Variants in KLHL1 observed in about 807,000 individuals in gnomAD.
The protein encoded by KLHL1 is kelch like family member 1.
In KLHL1, 47 loss-of-function variants were observed where a neutral mutation model predicts 77.7. The ratio of observed to expected loss-of-function variants is 0.60; its 90% CI spans 0.48 to 0.77. The LOEUF is 0.77. Ranked by LOEUF, KLHL1 falls within the 30% of genes least tolerant of loss-of-function variation. The pLI is 0.00. For synonymous variants in KLHL1, 360 were observed against 325.2 expected (o/e 1.11, Z -1.15); for missense variants, 925 against 910.8 (o/e 1.02, Z -0.20).
chr13:69,721,341 C>T (rs1289134669), intron 8 of KLHL1, among the ~76,000 whole-genome samples: 1 of 150,596 alleles, frequency 6.6e-6, no homozygotes, highest in African/African-American at 2.4e-5. Flanking sequence ...CTCGTATCTC[C>T]CTAAAATGTA....
chr13:69,779,913 TG>T (rs1258945348), intron 7 of KLHL1, among the ~76,000 whole-genome samples: 1 of 152,048 alleles, frequency 6.6e-6, no homozygotes, highest in African/African-American at 2.4e-5. Context: ...CAGGTTCAAG[TG>T]ATTCTCCGGC....
intron 6 of KLHL1, among the ~76,000 whole-genome samples, chr13:69,829,852 G>T (rs1044512218): frequency 1.3e-5 from 2 of 150,168 alleles, no homozygotes; most frequent in African/African-American, 5.0e-5. Context: ...GTGAAACTAA[G>T]CTTCATAAAT....
chr13:70,018,556 G>C (rs775297382), intron 1 of KLHL1, among the ~76,000 whole-genome samples: 19 of 152,216 alleles, frequency 1.2e-4, no homozygotes, highest in Non-Finnish European at 1.9e-4. Context: ...TAGGGCCTAG[G>C]TGACTTGTTG....
intron 7 of KLHL1, among the ~76,000 whole-genome samples, chr13:69,785,262 A>C (rs1012208310): frequency 6.6e-6 from 1 of 151,928 alleles, no homozygotes; most frequent in Non-Finnish European, 1.5e-5. Context: ...GAAGTAAAGC[A>C]CTCCTCATCA....
chr13:69,857,084 T>G (rs943081238), intron 5 of KLHL1, among the ~76,000 whole-genome samples: 4 of 152,096 alleles, frequency 2.6e-5, no homozygotes, highest in Admixed American at 6.6e-5. Context: ...AAACTCTCCG[T>G]TTTTTGTCTC....
intron 6 of KLHL1, among the ~76,000 whole-genome samples, chr13:69,821,970 C>A (rs1057061404): frequency 6.6e-6 from 1 of 151,960 alleles, no homozygotes; most frequent in African/African-American, 2.4e-5. Flanking sequence ...GAGGTCAAGG[C>A]AGGCAAATCA....
chr13:69,823,184 T>A (rs947377634), intron 6 of KLHL1, among the ~76,000 whole-genome samples: 2 of 151,848 alleles, frequency 1.3e-5, no homozygotes, highest in African/African-American at 4.8e-5. Flanking sequence ...TTGGTTAAGT[T>A]GTTAACTTAC....
chr13:69,999,949 T>C (rs1645871195), intron 1 of KLHL1, among the ~76,000 whole-genome samples: 1 of 151,980 alleles, frequency 6.6e-6, no homozygotes, highest in South Asian at 2.1e-4. Context: ...TGATCCCTTA[T>C]GTTGGAGGTG....
intron 6 of KLHL1, among the ~76,000 whole-genome samples, chr13:69,799,811 C>G (rs1229058258): frequency 6.6e-6 from 1 of 152,154 alleles, no homozygotes; most frequent in Non-Finnish European, 1.5e-5. Context: ...AGGACGTGGA[C>G]CAGTAATGGT....
In KLHL1 at chr13:69,791,544, C is replaced by T. The variant is rs146480207; in HGVS notation, c.1639+5194G>A. Among the ~76,000 whole-genome samples the T allele has an allele frequency of 3.9e-5, 6 of 152,128 alleles. 1 individual carries two copies. In the East Asian group the frequency reaches 1.2e-3, roughly 29 times the overall value. On this transcript the variant is annotated intron_variant, in intron 7 of 10. Coordinates refer to ENST00000377844, the MANE Select transcript of KLHL1 (RefSeq NM_020866.3). ...CATGATTTTAAAAACTACTACAAAGCTTCAGTAAACAAGAAAATGTGGGAA... is the reference window on the plus strand; with the variant it reads ...CATGATTTTAAAAACTACTACAAAGTTTCAGTAAACAAGAAAATGTGGGAA...
At chr13:69,711,439 T>C (rs1474382272) in intron 9 of KLHL1, among the ~76,000 whole-genome samples, 2 of 152,084 alleles carry the variant, frequency 1.3e-5, no homozygotes, top group Non-Finnish European at 2.9e-5. Context: ...TATTAATTAA[T>C]TTTAAGAAAT....
chr13:69,754,541 C>G (rs962103818), intron 7 of KLHL1, among the ~76,000 whole-genome samples: 7 of 152,130 alleles, frequency 4.6e-5, no homozygotes, highest in African/African-American at 1.7e-4. Context: ...TAATATTTTA[C>G]TTTCCAACTG....
chr13:70,046,293 C>T (rs1221915127), intron 1 of KLHL1, among the ~76,000 whole-genome samples: 1 of 152,078 alleles, frequency 6.6e-6, no homozygotes, highest in East Asian at 1.9e-4. Context: ...TTTGGGATGG[C>T]ATAAATTACT....
intron 4 of KLHL1, among the ~76,000 whole-genome samples, chr13:69,935,225 A>ATAGTTCACCCACTGGTGAACTTGGTACG (rs1883146218): frequency 1.3e-5 from 2 of 151,280 alleles, no homozygotes; most frequent in African/African-American, 2.4e-5. Flanking sequence ...AACTTGGTAC[A>ATAGTTCACCCACTGGTGAACTTGGTACG]TAGTTCACCC....
intron 1 of KLHL1, among the ~76,000 whole-genome samples, chr13:69,999,054 T>C (rs1393488094): frequency 6.6e-6 from 1 of 152,048 alleles, no homozygotes; most frequent in African/African-American, 2.4e-5. Context: ...CTCCATCAAG[T>C]AAGCACAGAG....
chr13:69,770,224 C>T (rs548357771), intron 7 of KLHL1, among the ~76,000 whole-genome samples: 113 of 152,294 alleles, frequency 7.4e-4, no homozygotes, highest in African/African-American at 2.5e-3. Context: ...CTTGGCATGC[C>T]TGGTCCAGAT....
intron 1 of KLHL1, among the ~76,000 whole-genome samples, chr13:70,000,798 A>G (rs1885268698): frequency 6.6e-6 from 1 of 151,742 alleles, no homozygotes; most frequent in Non-Finnish European, 1.5e-5. Context: ...TAGTGTGCAG[A>G]CTTATATATG....
intron 1 of KLHL1, among the ~76,000 whole-genome samples, chr13:70,047,633 T>C (rs949981643): frequency 6.6e-6 from 1 of 152,216 alleles, no homozygotes; most frequent in African/African-American, 2.4e-5. Context: ...TGTCACATTT[T>C]AGTGATTTCA....
In KLHL1 at chr13:69,950,864, C is replaced by A. The variant is rs1160775102; in HGVS notation, c.817+10444G>T. Among the ~76,000 whole-genome samples, 13 of 151,550 alleles carry A rather than the reference C, an allele frequency of 8.6e-5. 1 individual carries two copies. The Admixed American group carries it at 8.6e-4, about 10-fold the overall frequency. Reference sequence around the variant, plus strand: ...GTGCTCCTGGACAAAATAATTTGAACTTGAATCAGCCCACAGAAGCAACAG... The same window carrying A: ...GTGCTCCTGGACAAAATAATTTGAAATTGAATCAGCCCACAGAAGCAACAG... On this transcript the variant is annotated intron_variant, in intron 3 of 10. Coordinates refer to ENST00000377844, the MANE Select transcript of KLHL1 (RefSeq NM_020866.3).
Sources: allele counts gnomAD v4.1 joint callset (sites outside exome capture counted in the v4.1 genomes callset), GRCh38; gene constraint gnomAD v4.1.1; transcripts MANE v1.5; gene names NCBI Gene and HGNC (gene_info 2026-07-23, HGNC 2026-07-21).